The following TTC23 variants were observed in gnomAD, a reference collection of about 807,000 sequenced individuals.
The protein encoded by TTC23 is tetratricopeptide repeat domain 23.
Under a neutral mutation model 55.1 loss-of-function variants are expected in TTC23, and 58 were observed. The ratio of observed to expected loss-of-function variants is 1.05; its 90% CI spans 0.85 to 1.31. TTC23 has a LOEUF of 1.31. Among genes scored for constraint, TTC23 ranks in the 50% most tolerant of loss-of-function variants. The pLI is 0.00. For missense variants in TTC23, 516 were observed against 534.4 expected (o/e 0.97, Z 0.34); for synonymous variants, 203 against 199.9 (o/e 1.02, Z -0.13).
At chr15:99,166,609 G>A (rs985370144) in intron 10 of TTC23, among the ~76,000 whole-genome samples, 1 of 152,340 alleles carries the variant, frequency 6.6e-6, no homozygotes, top group East Asian at 1.9e-4. Context: ...AAGGCCAGGC[G>A]TTGTGGTGGG....
chr15:99,173,935 T>A (rs1173968075), intron 10 of TTC23, among the ~76,000 whole-genome samples: 2 of 152,222 alleles, frequency 1.3e-5, no homozygotes, highest in Non-Finnish European at 2.9e-5. Context: ...GTATTTTAAG[T>A]GTTTTATTAA....
intron 9 of TTC23, among the ~76,000 whole-genome samples, chr15:99,194,005 A>T (rs540570992): frequency 6.6e-6 from 1 of 151,764 alleles, no homozygotes; most frequent in African/African-American, 2.4e-5. Flanking sequence ...GCAAGACTCT[A>T]TCTCAAAAAA....
At chr15:99,183,497 ATTTT>A (rs56660145) in intron 9 of TTC23, among the ~76,000 whole-genome samples, 173 of 100,844 alleles carry the variant, frequency 1.7e-3, no homozygotes, top group African/African-American at 6.0e-3. Context: ...GATTTTTTGT[ATTTT>A]TTTTTTTTTT....
At chr15:99,201,293 C>A (rs1456593611) in intron 8 of TTC23, among the ~76,000 whole-genome samples, 1 of 152,164 alleles carries the variant, frequency 6.6e-6, no homozygotes, top group Non-Finnish European at 1.5e-5. Flanking sequence ...AAACACAGCA[C>A]ATATTTAAAA....
At chr15:99,147,474 C>T (rs1245834986) in intron 12 of TTC23, among the ~76,000 whole-genome samples, 1 of 152,150 alleles carries the variant, frequency 6.6e-6, no homozygotes, top group Non-Finnish European at 1.5e-5. Flanking sequence ...ATCCTCCTGC[C>T]TCAGCCTCCC....
intron 13 of TTC23, 193 bp downstream of exon 13, chr15:99,139,124 T>C (rs963685514): frequency 5.4e-6 from 4 of 740,112 alleles, no homozygotes; most frequent in Non-Finnish European, 7.0e-6. Context: ...AAGGATGAAT[T>C]ATTTTTAAAT....
chr15:99,153,581 T>C (rs2070138294), intron 12 of TTC23, among the ~76,000 whole-genome samples: 1 of 152,220 alleles, frequency 6.6e-6, no homozygotes, highest in Admixed American at 6.5e-5. Flanking sequence ...AACTAATTAA[T>C]GTAATGAAAA....
intron 1 of TTC23, among the ~76,000 whole-genome samples, chr15:99,248,758 A>G (rs573955574): frequency 6.6e-6 from 1 of 152,346 alleles, no homozygotes; most frequent in African/African-American, 2.4e-5. Context: ...CTTAAGAAAT[A>G]GTCATGTTCA....
intron 4 of TTC23, among the ~76,000 whole-genome samples, chr15:99,229,464 C>G (rs138453069): frequency 3.9e-5 from 6 of 152,234 alleles, no homozygotes; most frequent in African/African-American, 1.4e-4. Flanking sequence ...GAGAGAGTTT[C>G]CAGGAAACAG....
chr15:99,200,197 GT>G (rs1190291407), intron 8 of TTC23, 101 bp from the exon 9 acceptor site: 8 of 1,087,296 alleles, frequency 7.4e-6, no homozygotes, highest in Non-Finnish European at 5.0e-6. Flanking sequence ...GATCCCTGGT[GT>G]TCAGGTTCGT....
intron 12 of TTC23, among the ~76,000 whole-genome samples, chr15:99,146,945 C>A (rs557194135): frequency 6.6e-6 from 1 of 152,182 alleles, no homozygotes; most frequent in Admixed American, 6.5e-5. Flanking sequence ...GACGGAGTCT[C>A]GCTCTGTTTC....
chr15:99,178,538 A>T lies in TTC23; in HGVS notation c.760-3383T>A, dbSNP rs958755173. Among the ~76,000 whole-genome samples the T allele has an allele frequency of 3.3e-5, 5 of 152,356 alleles. No individual in the cohort carries two copies. In the East Asian group the frequency reaches 9.6e-4, roughly 29 times the overall value. ...TTTCTACATGCCAGATATTGTGCTA[A>T]CATTAGAAATTCCCCTAAAAATTTA... On this transcript the variant is annotated intron_variant, in intron 9 of 13. Transcript: ENST00000394132.
chr15:99,219,627 T>C (rs2077749134), intron 6 of TTC23, among the ~76,000 whole-genome samples: 2 of 151,930 alleles, frequency 1.3e-5, no homozygotes, highest in Admixed American at 1.3e-4. Context: ...TGAAACAAAG[T>C]GGAGCAAAAA....
chr15:99,139,684 C>T, intron 12 of TTC23: 6 of 1,390,870 alleles, frequency 4.3e-6, no homozygotes, highest in Non-Finnish European at 5.7e-6. Flanking sequence ...AGGCAAGAAC[C>T]TTGGTACTGA....
chr15:99,223,928 G>A (rs558638731), intron 5 of TTC23, among the ~76,000 whole-genome samples: 1 of 152,344 alleles, frequency 6.6e-6, no homozygotes, highest in African/African-American at 2.4e-5. Context: ...AGGGGTCAAA[G>A]CAGAGGAAGA....
intron 9 of TTC23, among the ~76,000 whole-genome samples, chr15:99,188,771 A>G (rs1254261037): frequency 6.6e-6 from 1 of 152,134 alleles, no homozygotes. Flanking sequence ...GTCATTTCTC[A>G]TTCATTAGAT....
At chr15:99,221,715 TC>T (rs1197734017) in intron 6 of TTC23, 25 bp downstream of exon 6, 1 of 1,613,172 alleles carries the variant, frequency 6.2e-7, no homozygotes, top group African/African-American at 1.3e-5. Flanking sequence ...GACCAACTGA[TC>T]CCCCTCAGTC....
chr15:99,170,449 G>A (rs905985551), intron 10 of TTC23, among the ~76,000 whole-genome samples: 7 of 152,088 alleles, frequency 4.6e-5, no homozygotes, highest in South Asian at 2.1e-4. Flanking sequence ...TTTGTACCCC[G>A]TACAAACAGG....
intron 9 of TTC23, among the ~76,000 whole-genome samples, chr15:99,183,097 C>T (rs2074306034): frequency 6.6e-6 from 1 of 152,152 alleles, no homozygotes; most frequent in Admixed American, 6.5e-5. Context: ...TTCCTAAAGA[C>T]TTGTGGAATG....
Sources: allele counts gnomAD v4.1 joint callset (sites outside exome capture counted in the v4.1 genomes callset), GRCh38; gene constraint gnomAD v4.1.1; transcripts MANE v1.5; gene names NCBI Gene and HGNC (gene_info 2026-07-23, HGNC 2026-07-21).